The following EHF variants were observed in gnomAD, a reference collection of about 807,000 sequenced individuals.
EHF encodes the protein ETS homologous factor, also known as ESE3 transcription factor.
In EHF, 14 loss-of-function variants were observed where a neutral mutation model predicts 45.1. The observed-to-expected ratio is 0.31, with a 90% CI of 0.21 to 0.49. EHF has a LOEUF of 0.49. Among genes scored for constraint, EHF ranks in the 20% least tolerant of loss-of-function variants. The pLI, the probability that EHF is intolerant of heterozygous loss-of-function variation, is 0.99. For missense variants in EHF, 282 were observed against 371.4 expected, an observed-to-expected ratio of 0.76 and a Z score of 1.98; for synonymous variants, 136 against 131.8, an observed-to-expected ratio of 1.03 and a Z score of -0.22.
At chr11:34,627,832 G>A (rs901002904) in intron 1 of EHF, among the ~76,000 whole-genome samples, 1 of 152,128 alleles carries the variant, frequency 6.6e-6, no homozygotes, top group African/African-American at 2.4e-5. Flanking sequence ...CTCCATGGTA[G>A]TATTAGCTGC....
chr11:34,622,300 C>A, intron 1 of EHF: 1 of 536,904 alleles, frequency 1.9e-6, no homozygotes, highest in Non-Finnish European at 3.0e-6. Context: ...TTCAAGTTCA[C>A]AGGTGTCTCT....
At chr11:34,626,194 A>G (rs1158028085) in intron 1 of EHF, among the ~76,000 whole-genome samples, 1 of 152,198 alleles carries the variant, frequency 6.6e-6, no homozygotes, top group Non-Finnish European at 1.5e-5. Flanking sequence ...GAAGCACAAT[A>G]AATAATCTTG....
chr11:34,646,641 G>A lies in EHF; in HGVS notation c.300G>A (p.Ala100=), dbSNP rs140464507. 3.2e-5 allele frequency: 51 copies of A among 1,613,362 alleles called. 1 individual carries two copies. The highest frequency in any genetic ancestry group is 1.3e-4 in the East Asian group (6 of 44,866). The change falls in exon 3 of 9, where the codon GCG becomes GCA. Residue 100 remains alanine, a synonymous_variant. Coordinates refer to ENST00000257831, the MANE Select transcript of EHF (RefSeq NM_012153.6). ...LQEFTRAAGT[A]GQLLYSNLQH... is the part of the protein sequence containing the mutation. ...AGTTCACCCGGGCGGCAGGGACGGCGGGGCAGCTCCTCTACAGCAACTTGC... is the reference window on the plus strand; with the variant it reads ...AGTTCACCCGGGCGGCAGGGACGGCAGGGCAGCTCCTCTACAGCAACTTGC...
At position 34,646,309 on chromosome 11, in the gene EHF, C is replaced by T. The variant is rs1854528491; in HGVS notation, c.98-130C>T. ...TGAAAATGCACTTCTGCTCCATCAC[C>T]CATGCTGGCACATACACGGACTGTG... On this transcript the variant is annotated intron_variant, in intron 2 of 8. Transcript: ENST00000257831. The T allele has an allele frequency of 3.5e-6, 5 of 1,421,172 alleles. No homozygotes were observed. In the East Asian group the frequency reaches 6.8e-5, roughly 19 times the overall value. The allele number at this position is 1,421,172 out of a possible 1,614,324, so 88.0% of individuals were successfully genotyped here. A position where few individuals can be genotyped will look rare whatever the true frequency, so the allele number is the denominator to read the frequency against.
intron 1 of EHF, among the ~76,000 whole-genome samples, chr11:34,640,556 C>T (rs1465092802): frequency 4.6e-5 from 7 of 152,334 alleles, no homozygotes; most frequent in African/African-American, 7.2e-5. Flanking sequence ...CCCCTCCTTC[C>T]ACCAGCCACC....
In EHF at chr11:34,658,910, A is replaced by G. The variant is rs776269897; in HGVS notation, c.882A>G (p.Gly294=). 1.9e-6 allele frequency: 3 copies of G among 1,613,052 alleles called. No individual in the cohort carries two copies. Among genetic ancestry groups the G allele is most frequent in the Non-Finnish European group, 2.5e-6 (3 of 1,179,554 alleles). The part of the protein sequence containing the change: ...LVYKFGKNAR[G]WRENEN ...ATAAATTTGGGAAGAATGCCCGAGG[A>G]TGGAGAGAAAATGAAAACTGAAGCT... The change falls in exon 9 of 9, where the codon GGA becomes GGG. Residue 294 remains glycine, a synonymous_variant. Coordinates refer to ENST00000257831, the MANE Select transcript of EHF (RefSeq NM_012153.6).
intron 1 of EHF, among the ~76,000 whole-genome samples, chr11:34,636,092 G>T (rs1344405514): frequency 6.6e-6 from 1 of 152,138 alleles, no homozygotes; most frequent in Non-Finnish European, 1.5e-5. Context: ...AAATGAACTT[G>T]GCTCTCAATT....
At chr11:34,634,010 T>G (rs550508128) in intron 1 of EHF, among the ~76,000 whole-genome samples, 6 of 152,332 alleles carry the variant, frequency 3.9e-5, no homozygotes, top group African/African-American at 9.6e-5. Flanking sequence ...ACCTCAGATG[T>G]TGCCCCTGGG....
In EHF at chr11:34,646,635, G is replaced by C; in HGVS notation, c.294G>C (p.Gly98=). Reference sequence around the variant, plus strand: ...TGCAGGAGTTCACCCGGGCGGCAGGGACGGCGGGGCAGCTCCTCTACAGCA... The same window carrying C: ...TGCAGGAGTTCACCCGGGCGGCAGGCACGGCGGGGCAGCTCCTCTACAGCA... ...MSLQEFTRAA[G]TAGQLLYSNL... is the part of the protein sequence containing the mutation. The change falls in exon 3 of 9, where the codon GGG becomes GGC. Residue 98 remains glycine (G), a synonymous_variant. Transcript: ENST00000257831. 6.2e-7 allele frequency: 1 copy of C among 1,613,682 alleles called. No homozygotes were observed. Among genetic ancestry groups the C allele is most frequent in the East Asian group, 2.2e-5 (1 of 44,866 alleles).
chr11:34,643,621 C>T (rs912062586), intron 2 of EHF, among the ~76,000 whole-genome samples: 4 of 152,214 alleles, frequency 2.6e-5, no homozygotes, highest in African/African-American at 9.6e-5. Context: ...CCATGTGGAG[C>T]TCCACCTCTT....
rs150765669 is a variant in EHF, at chr11:34,623,825, C to T, written c.-4+2597C>T. Among the ~76,000 whole-genome samples the T allele has an allele frequency of 3.9e-5, 6 of 152,324 alleles. No homozygotes were observed. In the East Asian group the frequency reaches 1.2e-3, roughly 29 times the overall value. On this transcript the variant is annotated intron_variant, in intron 1 of 8. Coordinates refer to ENST00000257831, the MANE Select transcript of EHF (RefSeq NM_012153.6). Reference sequence around the variant, plus strand: ...GGGGATTTGAGCACTGGGTTGTGATCGTTAGACCATCTTGCTTTTCTGAAA... The same window carrying T: ...GGGGATTTGAGCACTGGGTTGTGATTGTTAGACCATCTTGCTTTTCTGAAA...
intron 1 of EHF, among the ~76,000 whole-genome samples, chr11:34,635,619 T>A (rs898290974): frequency 6.6e-6 from 1 of 151,764 alleles, no homozygotes; most frequent in East Asian, 1.9e-4. Context: ...GCATTCTCTG[T>A]GCTAAGGGAC....
At chr11:34,653,891 C>T (rs1317278375) in intron 6 of EHF, among the ~76,000 whole-genome samples, 2 of 152,144 alleles carry the variant, frequency 1.3e-5, no homozygotes, top group Admixed American at 1.3e-4. Flanking sequence ...CTGTGATAAA[C>T]GCAGGTGGGG....
intron 1 of EHF, among the ~76,000 whole-genome samples, chr11:34,629,110 C>A (rs1197673036): frequency 6.6e-6 from 1 of 152,142 alleles, no homozygotes; most frequent in East Asian, 1.9e-4. Flanking sequence ...AGCTACGCAA[C>A]CTCTGGTGGA....
At chr11:34,644,935 G>T (rs990448382) in intron 2 of EHF, among the ~76,000 whole-genome samples, 11 of 152,210 alleles carry the variant, frequency 7.2e-5, no homozygotes, top group Non-Finnish European at 1.6e-4. Context: ...TGACCTTGAA[G>T]AAAAAGTTAG....
chr11:34,652,541 A>G (rs1855272962), intron 6 of EHF, among the ~76,000 whole-genome samples: 1 of 152,154 alleles, frequency 6.6e-6, no homozygotes, highest in Admixed American at 6.5e-5. Context: ...AGTGTGGGAA[A>G]TGGTTGAAAG....
rs534961778 is a variant in EHF, at chr11:34,625,044, G to T, written c.-4+3816G>T. Reference sequence around the variant, plus strand: ...TGATTGGGGGTGGTGGGAGTACCTGGGGGTCAGCAGGATAAGCACGAATCT... The same window carrying T: ...TGATTGGGGGTGGTGGGAGTACCTGTGGGTCAGCAGGATAAGCACGAATCT... On this transcript the variant is annotated intron_variant, in intron 1 of 8. Coordinates refer to ENST00000257831, the MANE Select transcript of EHF (RefSeq NM_012153.6). Among the ~76,000 whole-genome samples, 3 of 152,258 alleles carry T rather than the reference G, an allele frequency of 2.0e-5. No individual in the cohort carries two copies. The East Asian group carries it at 5.8e-4, about 29-fold the overall frequency.
At chr11:34,658,244 C>A (rs1464414032) in intron 7 of EHF, among the ~76,000 whole-genome samples, 6 of 152,110 alleles carry the variant, frequency 3.9e-5, no homozygotes, top group Non-Finnish European at 2.9e-5. Flanking sequence ...GACCTAAGAC[C>A]TATTGCTTAG....
At chr11:34,656,521 C>T (rs1250003432) in intron 6 of EHF, among the ~76,000 whole-genome samples, 3 of 152,132 alleles carry the variant, frequency 2.0e-5, no homozygotes, top group Non-Finnish European at 4.4e-5. Context: ...CCCTCTCTGC[C>T]TCTTACAGCA....
Sources: gnomAD v4.1 joint callset for allele counts (sites outside exome capture counted in the v4.1 genomes callset) on GRCh38, gnomAD v4.1.1 for gene constraint, MANE v1.5 for transcripts, NCBI Gene and HGNC (gene_info 2026-07-23, HGNC 2026-07-21) for gene names.